The following IAPP variants were observed in gnomAD, a reference collection of about 807,000 sequenced individuals.
IAPP encodes the protein islet amyloid polypeptide, also known as Islet amyloid polypeptide (diabetes-associated peptide; amylin).
IAPP carries 4 observed loss-of-function variants against 2.9 expected under a neutral mutation model. The observed-to-expected ratio is 1.39, with a 90% confidence interval of 0.69 to 3.19. IAPP has a LOEUF of 3.19. Ranked by LOEUF, IAPP falls within the 30% of genes most tolerant of loss-of-function variation. The pLI is 0.01. For missense variants in IAPP, 114 were observed against 105.3 expected (o/e 1.08, Z -0.36); for synonymous variants, 40 against 42.1 (o/e 0.95, Z 0.19).
chr12:21,359,746 T>TAA lies in IAPP; in HGVS notation c.-16+4748_-16+4749dup, dbSNP rs35529364. Among the ~76,000 whole-genome samples, 1,131 of 140,160 alleles carry TAA rather than the reference T, an allele frequency of 8.1e-3. 13 individuals carry two copies. Among genetic ancestry groups the TAA allele is most frequent in the South Asian group, 0.026 (113 of 4,430 alleles). 92.0% of individuals were successfully genotyped at this position (140,160 alleles called of 152,430 possible). On this transcript the variant is annotated intron_variant, in intron 1 of 2. Coordinates refer to the IAPP transcript ENST00000539393. ...TGGGCGACAGAGCGAGACTCCGTCTTAAAAAAAAAAAAAAAATCAATGGAC... is the reference window on the plus strand; with the variant it reads ...TGGGCGACAGAGCGAGACTCCGTCTTAAAAAAAAAAAAAAAAAATCAATGGAC...
At chr12:21,364,196 A>G (rs1018954525) in intron 1 of IAPP, among the ~76,000 whole-genome samples, 1 of 152,222 alleles carries the variant, frequency 6.6e-6, no homozygotes, top group African/African-American at 2.4e-5. Context: ...AAGCTTATCC[A>G]CCATGATCAA....
chr12:21,373,672 A>T (rs976582409), intron 2 of IAPP: 2 of 701,474 alleles, frequency 2.9e-6, no homozygotes, highest in Admixed American at 2.0e-5. Flanking sequence ...TTTTGTCAAG[A>T]AATATACTCT....
chr12:21,373,802 T>C lies in IAPP; in HGVS notation c.80+371T>C, dbSNP rs755231295. 8.9e-5 allele frequency: 57 copies of C among 639,772 alleles called. 1 individual carries two copies. Among genetic ancestry groups the C allele is most frequent in the Middle Eastern group, 5.0e-4 (2 of 4,016 alleles). The allele number at this position is 639,772 out of a possible 1,614,324, so 39.6% of individuals were successfully genotyped here. A position where few individuals can be genotyped will look rare whatever the true frequency, so the allele number is the denominator to read the frequency against. ...AGAAACTTAACTAAAGCATATATTTTTATACCAAGTGGATTCTTTTTGTAT... is the reference window on the plus strand; with the variant it reads ...AGAAACTTAACTAAAGCATATATTTCTATACCAAGTGGATTCTTTTTGTAT... On this transcript the variant is annotated intron_variant, in intron 2 of 2. Transcript: ENST00000240652.
chr12:21,362,229 A>C (rs1418353513), intron 1 of IAPP, among the ~76,000 whole-genome samples: 2 of 152,194 alleles, frequency 1.3e-5, no homozygotes, highest in Admixed American at 6.5e-5. Flanking sequence ...GCCAGTAGAG[A>C]GTGGGGGCCA....
At chr12:21,366,290 A>G (rs1464412112) in intron 1 of IAPP, among the ~76,000 whole-genome samples, 3 of 152,094 alleles carry the variant, frequency 2.0e-5, no homozygotes, top group Non-Finnish European at 2.9e-5. Flanking sequence ...TGAGCAAAGT[A>G]TCACAAGGAC....
intron 1 of IAPP, among the ~76,000 whole-genome samples, chr12:21,360,031 G>T (rs1938702988): frequency 6.6e-6 from 1 of 151,760 alleles, no homozygotes; most frequent in African/African-American, 2.4e-5. Context: ...AAAAAAGTCA[G>T]GCAAAAAGGA....
chr12:21,374,426 A>G (rs1184770578), intron 2 of IAPP: 1 of 152,220 alleles, frequency 6.6e-6, no homozygotes, highest in Admixed American at 6.5e-5. Flanking sequence ...ATGTCATATT[A>G]TAATTCTTCT....
rs750354470 is a variant in IAPP at position 21,378,299 on chromosome 12, T to A, written c.143T>A (p.Phe48Tyr). ...TGTGCAACGCAGCGCCTGGCAAATT[T>A]TTTAGTTCATTCCAGCAACAACTTT... Reference protein sequence around the residue: ...ATCATQRLANFLVHSSNNFGA... With the variant: ...ATCATQRLANYLVHSSNNFGA... The change falls in exon 3 of 3, where the codon TTT becomes TAT. Residue 48 changes from phenylalanine to tyrosine, a missense_variant. Coordinates refer to ENST00000240652, the MANE Select transcript of IAPP (RefSeq NM_000415.3). The A allele has an allele frequency of 6.2e-7, 1 of 1,614,198 alleles. No homozygotes were observed. Among genetic ancestry groups the A allele is most frequent in the South Asian group, 1.1e-5 (1 of 91,086 alleles).
At chr12:21,364,233 C>T (rs186692843) in intron 1 of IAPP, among the ~76,000 whole-genome samples, 1,632 of 152,294 alleles carry the variant, frequency 0.011, 25 homozygotes, top group African/African-American at 0.037. Flanking sequence ...GGATGCAAGG[C>T]TGGTTCAACA....
intron 2 of IAPP, among the ~76,000 whole-genome samples, chr12:21,376,720 TTAGAGA>T (rs1222296201): frequency 2.0e-5 from 3 of 152,036 alleles, no homozygotes; most frequent in South Asian, 2.1e-4. Context: ...CTATCTCTAC[TTAGAGA>T]TAGAGATAAT....
intron 1 of IAPP, among the ~76,000 whole-genome samples, chr12:21,361,146 G>A (rs1266496109): frequency 1.4e-5 from 2 of 144,420 alleles, no homozygotes; most frequent in Non-Finnish European, 3.0e-5. Context: ...AGTAGGGGCC[G>A]ACAGACACCT....
chr12:21,360,959 G>A (rs576740077), intron 1 of IAPP, among the ~76,000 whole-genome samples: 1 of 152,338 alleles, frequency 6.6e-6, no homozygotes, highest in South Asian at 2.1e-4. Flanking sequence ...ACCTCTAGGG[G>A]CAGGGCATAG....
At chr12:21,378,108 A>G in intron 2 of IAPP, 129 bp from the exon 3 acceptor site, 1 of 821,148 alleles carries the variant, frequency 1.2e-6, no homozygotes, top group Non-Finnish European at 1.9e-6. Context: ...TTTGCAAACC[A>G]AAACACTGAG....
chr12:21,373,538 A>G (rs12306121), intron 2 of IAPP, 107 bp downstream of exon 2: 166,475 of 787,868 alleles, frequency 0.21, 22,229 homozygotes, highest in African/African-American at 0.57. Context: ...ACTATATCAT[A>G]CTTAAGAACA....
chr12:21,374,841 G>C (rs1049821965), intron 2 of IAPP, among the ~76,000 whole-genome samples: 6 of 121,830 alleles, frequency 4.9e-5, no homozygotes, highest in African/African-American at 7.5e-5. Flanking sequence ...CTCTCTCTCT[G>C]TCTCTGTCAC....
intron 1 of IAPP, among the ~76,000 whole-genome samples, chr12:21,355,346 G>A (rs1938281630): frequency 6.6e-6 from 1 of 152,084 alleles, no homozygotes; most frequent in Non-Finnish European, 1.5e-5. Flanking sequence ...ACTTAGATAA[G>A]TTAAGACAAA....
At chr12:21,356,776 T>C (rs752318581) in intron 1 of IAPP, among the ~76,000 whole-genome samples, 8 of 152,116 alleles carry the variant, frequency 5.3e-5, no homozygotes, top group African/African-American at 1.4e-4. Context: ...GTCCAAGTTC[T>C]AGTAAGGTAA....
At chr12:21,375,589 C>T (rs2137102754) in intron 2 of IAPP, among the ~76,000 whole-genome samples, 1 of 152,280 alleles carries the variant, frequency 6.6e-6, no homozygotes, top group Non-Finnish European at 1.5e-5. Context: ...ATCTGCCTGG[C>T]AGGTAATCAA....
intron 1 of IAPP, among the ~76,000 whole-genome samples, chr12:21,360,436 C>T (rs562732857): frequency 3.4e-4 from 51 of 152,236 alleles, no homozygotes; most frequent in African/African-American, 1.2e-3. Context: ...GAGGGTGGCA[C>T]CAAGATGGCC....
Sources: gnomAD v4.1 joint callset for allele counts (sites outside exome capture counted in the v4.1 genomes callset) on GRCh38, gnomAD v4.1.1 for gene constraint, MANE v1.5 for transcripts, NCBI Gene and HGNC (gene_info 2026-07-23, HGNC 2026-07-21) for gene names.